The following HTR4 variants were observed in gnomAD, a reference collection of about 807,000 sequenced individuals.
HTR4 encodes 5-hydroxytryptamine (serotonin) receptor 4, G protein-coupled.
In HTR4, 16 loss-of-function variants were observed where a neutral mutation model predicts 36.8. That is an observed-to-expected ratio of 0.43 (90% confidence interval 0.29 to 0.66). The LOEUF is 0.66. Ranked by LOEUF, HTR4 falls within the 30% of genes least tolerant of loss-of-function variation. The probability of loss-of-function intolerance (pLI) is 0.13; values close to 1 mark genes in which losing one functional copy is unlikely to be tolerated. For missense variants in HTR4, 438 were observed against 490.9 expected (o/e 0.89, Z 1.02); for synonymous variants, 189 against 185.1 (o/e 1.02, Z -0.17).
chr5:148,469,826 G>C (rs1467326595), intron 5 of HTR4, among the ~76,000 whole-genome samples: 1 of 152,214 alleles, frequency 6.6e-6, no homozygotes, highest in Non-Finnish European at 1.5e-5. Flanking sequence ...TTTTGATGGA[G>C]AGGCAGTATG....
At chr5:148,633,630 T>G (rs975239683) in intron 2 of HTR4, among the ~76,000 whole-genome samples, 1 of 150,786 alleles carries the variant, frequency 6.6e-6, no homozygotes, top group African/African-American at 2.4e-5. Flanking sequence ...ACATGCGGTG[T>G]TTGGTTTTCT....
At chr5:148,549,152 C>A (rs1018682156) in intron 3 of HTR4, among the ~76,000 whole-genome samples, 19 of 152,270 alleles carry the variant, frequency 1.2e-4, no homozygotes, top group African/African-American at 4.3e-4. Context: ...TCTGGCCACC[C>A]TGCCCTAATC....
chr5:148,498,424 T>A (rs1230640976), intron 6 of HTR4, among the ~76,000 whole-genome samples: 1 of 152,116 alleles, frequency 6.6e-6, no homozygotes, highest in Non-Finnish European at 1.5e-5. Flanking sequence ...ATTTTGAGTA[T>A]TTTAATCCTT....
In HTR4 at chr5:148,569,950, A is replaced by G. The variant is rs1055169759; in HGVS notation, c.27-19688T>C. Among the ~76,000 whole-genome samples the G allele has an allele frequency of 4.6e-5, 7 of 152,122 alleles. No individual in the cohort carries two copies. In the East Asian group the frequency reaches 1.4e-3, roughly 29 times the overall value. On this transcript the variant is annotated intron_variant, in intron 2 of 6. Transcript: ENST00000377888. The stretch of plus-strand genomic sequence containing the variant: ...TTGTATGCTTATGGGTTACTTGTTT[A>G]ACTGAAGAATAAGGAAAGACTTTTC...
At chr5:148,574,294 A>G (rs1760797444) in intron 2 of HTR4, among the ~76,000 whole-genome samples, 1 of 152,084 alleles carries the variant, frequency 6.6e-6, no homozygotes, top group Admixed American at 6.5e-5. Flanking sequence ...GAGAAAATGC[A>G]CTGCTATTCA....
Position 148,561,250 on chromosome 5 carries a change from A to T in HTR4, c.27-10988T>A, listed in dbSNP as rs557188994. ...AAACAAACTTCAAAGCCCAAAGAGGATCTCTCTGTACAGAGTATAATGGAG... is the reference window on the plus strand; with the variant it reads ...AAACAAACTTCAAAGCCCAAAGAGGTTCTCTCTGTACAGAGTATAATGGAG... On this transcript the variant is annotated intron_variant, in intron 2 of 6. Coordinates refer to ENST00000377888, the MANE Select transcript of HTR4 (RefSeq NM_000870.7). 6.0e-4 allele frequency among the ~76,000 whole-genome samples: 91 copies of T among 152,312 alleles called. 2 individuals are homozygous for T. In the South Asian group the frequency reaches 0.012, roughly 20 times the overall value.
chr5:148,511,281 T>G (rs1291413698), intron 5 of HTR4, among the ~76,000 whole-genome samples: 1 of 152,210 alleles, frequency 6.6e-6, no homozygotes, highest in Non-Finnish European at 1.5e-5. Flanking sequence ...CAAATCAAAC[T>G]ATAGAATATT....
chr5:148,562,160 C>T (rs1760239932), intron 2 of HTR4, among the ~76,000 whole-genome samples: 1 of 152,210 alleles, frequency 6.6e-6, no homozygotes, highest in Admixed American at 6.5e-5. Context: ...CAGCCACACT[C>T]AATCATTTAT....
At chr5:148,647,638 C>T (rs892453944) in intron 1 of HTR4, among the ~76,000 whole-genome samples, 1 of 152,156 alleles carries the variant, frequency 6.6e-6, no homozygotes, top group Non-Finnish European at 1.5e-5. Context: ...CACCTGAGCT[C>T]GGGAGTTCGA....
In HTR4 at chr5:148,481,679, GAA is replaced by G; in HGVS notation, c.*1522_*1523del. ...ATAACTGACACCTTATAAGCAATAAGAAAAAAAGAGAATATGATAAATAATCC... is the reference window on the plus strand; with the variant it reads ...ATAACTGACACCTTATAAGCAATAAGAAAAAGAGAATATGATAAATAATCC... On this transcript the variant is annotated 3_prime_UTR_variant, in exon 7 of 7. Transcript: ENST00000377888. 1 of 1,476,832 alleles carries G rather than the reference GAA, an allele frequency of 6.8e-7. No individual in the cohort carries two copies. Among genetic ancestry groups the G allele is most frequent in the Non-Finnish European group, 8.9e-7 (1 of 1,127,158 alleles). 91.5% of individuals were successfully genotyped at this position (1,476,832 alleles called of 1,614,324 possible).
At chr5:148,532,864 G>T (rs1758641834) in intron 4 of HTR4, among the ~76,000 whole-genome samples, 1 of 152,198 alleles carries the variant, frequency 6.6e-6, no homozygotes, top group Admixed American at 6.5e-5. Context: ...ACAGATTGCT[G>T]GTAGGTCTGG....
intron 5 of HTR4, among the ~76,000 whole-genome samples, chr5:148,521,683 G>T (rs1758027731): frequency 6.6e-6 from 1 of 151,952 alleles, no homozygotes; most frequent in Admixed American, 6.6e-5. Flanking sequence ...TTTATCTGGA[G>T]AACCAATACA....
downstream of HTR4, among the ~76,000 whole-genome samples, chr5:148,475,892 A>C (rs1238419647): frequency 6.6e-6 from 1 of 152,238 alleles, no homozygotes; most frequent in Non-Finnish European, 1.5e-5. Flanking sequence ...CTTGCAAAGA[A>C]GAAACTGAAG....
At chr5:148,507,523 TA>T (rs563991665) in intron 6 of HTR4, among the ~76,000 whole-genome samples, 1 of 148,228 alleles carries the variant, frequency 6.7e-6, no homozygotes, top group South Asian at 2.1e-4. Flanking sequence ...TAAAGTATAA[TA>T]AAAAAATAAA....
downstream of HTR4, among the ~76,000 whole-genome samples, chr5:148,475,057 T>G (rs1390719696): frequency 6.7e-6 from 1 of 148,622 alleles, no homozygotes; most frequent in Non-Finnish European, 1.5e-5. Context: ...AAAAAAAAAG[T>G]AGTCTCCTTA....
chr5:148,570,118 C>A (rs1455743267), intron 2 of HTR4, among the ~76,000 whole-genome samples: 2 of 152,074 alleles, frequency 1.3e-5, no homozygotes, highest in East Asian at 3.9e-4. Context: ...GTGAGCCCAG[C>A]TCCAAGCAGA....
chr5:148,603,113 G>A (rs1034689561), intron 2 of HTR4, among the ~76,000 whole-genome samples: 1 of 151,738 alleles, frequency 6.6e-6, no homozygotes, highest in Admixed American at 6.6e-5. Flanking sequence ...ATTACAAGAA[G>A]GATAAATATA....
intron 2 of HTR4, among the ~76,000 whole-genome samples, chr5:148,630,982 C>T (rs571338615): frequency 9.9e-5 from 15 of 152,216 alleles, no homozygotes; most frequent in South Asian, 4.1e-4. Flanking sequence ...CTGTTAGGAA[C>T]GCTTCAGAAG....
rs187856019 is a variant in HTR4 at position 148,589,642 on chromosome 5, T to C, written c.27-39380A>G. On this transcript the variant is annotated intron_variant, in intron 2 of 6. Transcript: ENST00000377888. Reference sequence around the variant, plus strand: ...TTTACAAATAATTTCTGTAGTTGGCTTTTTTCACTTTGTTTTGGGCATATT... The same window carrying C: ...TTTACAAATAATTTCTGTAGTTGGCCTTTTTCACTTTGTTTTGGGCATATT... Among the ~76,000 whole-genome samples, 1,207 of 152,274 alleles carry C rather than the reference T, an allele frequency of 7.9e-3. 7 individuals are homozygous for C. Among genetic ancestry groups the C allele is most frequent in the Non-Finnish European group, 0.013 (890 of 68,020 alleles).
Sources: gnomAD v4.1 joint callset for allele counts (sites outside exome capture counted in the v4.1 genomes callset) on GRCh38, gnomAD v4.1.1 for gene constraint, MANE v1.5 for transcripts, NCBI Gene and HGNC (gene_info 2026-07-23, HGNC 2026-07-21) for gene names.